DMD: variants seen among roughly 807,000 people sequenced by gnomAD.
DMD encodes mutant dystrophin.
Under a neutral mutation model 330.1 loss-of-function variants are expected in DMD, and 63 were observed. The ratio of observed to expected loss-of-function variants is 0.19; its 90% CI spans 0.16 to 0.24. The LOEUF is 0.24. Among genes scored for constraint, DMD ranks in the 10% least tolerant of loss-of-function variants. DMD has a pLI of 1.00. For synonymous variants in DMD, 1,223 were observed against 959.8 expected, an observed-to-expected ratio of 1.27 and a Z score of -5.07; for missense variants, 3,344 against 2,684.1, an observed-to-expected ratio of 1.25 and a Z score of -5.43.
chrX:32,692,651 C>A (rs2063361987), intron 9 of DMD, among the ~76,000 whole-genome samples: 1 of 111,821 alleles, frequency 8.9e-6, no homozygotes, highest in Admixed American at 9.5e-5. Context: ...TCCTCAGCAA[C>A]CTCAGAACAA....
At chrX:32,718,619 G>A (rs2065957725) in intron 7 of DMD, among the ~76,000 whole-genome samples, 1 of 112,260 alleles carries the variant, frequency 8.9e-6, no homozygotes, top group African/African-American at 3.2e-5. Flanking sequence ...TTAAGCAAAT[G>A]TCATTGGATA....
chrX:33,050,744 A>G (rs2094446665), intron 1 of DMD, among the ~76,000 whole-genome samples: 1 of 112,116 alleles, frequency 8.9e-6, no homozygotes, highest in African/African-American at 3.2e-5. Context: ...CAAAAACAAG[A>G]CACAGCTATA....
At chrX:31,132,263 G>A (rs1408733263) in intron 77 of DMD, among the ~76,000 whole-genome samples, 1 of 112,422 alleles carries the variant, frequency 8.9e-6, no homozygotes. Context: ...TACCATATCA[G>A]AGGAGGTATA....
intron 1 of DMD, among the ~76,000 whole-genome samples, chrX:33,033,554 C>CAAAAAAAAAAAAATACAAAAAAAA (rs1557223465): frequency 7.1e-4 from 53 of 74,517 alleles, no homozygotes; most frequent in African/African-American, 2.9e-3. Context: ...ACTAAAAATA[C>CAAAAAAAAAAAAATACAAAAAAAA]AAAAAAAAAA....
intron 2 of DMD, among the ~76,000 whole-genome samples, chrX:32,871,159 T>C (rs1006644340): frequency 9.2e-6 from 1 of 108,902 alleles, no homozygotes; most frequent in Non-Finnish European, 1.9e-5. Context: ...TTTCTCTTAA[T>C]CTTGGTCTAT....
intron 44 of DMD, among the ~76,000 whole-genome samples, chrX:32,179,573 A>G (rs754808540): frequency 8.9e-6 from 1 of 112,375 alleles, no homozygotes; most frequent in East Asian, 2.8e-4. Context: ...TCCTGGAGTT[A>G]AATGGTAAAA....
intron 41 of DMD, among the ~76,000 whole-genome samples, chrX:32,329,812 T>C (rs1049652535): frequency 1.8e-5 from 2 of 112,666 alleles, no homozygotes; most frequent in African/African-American, 3.2e-5. Context: ...AGTTAATTTA[T>C]TCTGGCGAGA....
chrX:32,258,994 G>A (rs754479153), intron 43 of DMD, among the ~76,000 whole-genome samples: 2 of 110,859 alleles, frequency 1.8e-5, no homozygotes, highest in East Asian at 5.7e-4. Context: ...GGACTCACAT[G>A]GCATCATATC....
intron 2 of DMD, among the ~76,000 whole-genome samples, chrX:32,920,428 A>T (rs2088278962): frequency 9.0e-6 from 1 of 111,708 alleles, no homozygotes. Context: ...TTGTGAATAA[A>T]TAAATGCAGT....
intron 7 of DMD, among the ~76,000 whole-genome samples, chrX:32,710,802 C>T (rs1300597982): frequency 9.0e-6 from 1 of 110,788 alleles, no homozygotes; most frequent in Non-Finnish European, 1.9e-5. Context: ...TTGAAAGATT[C>T]AAGTGTGTGA....
chrX:33,172,130 G>A (rs888069855), intron 1 of DMD, among the ~76,000 whole-genome samples: 2 of 111,245 alleles, frequency 1.8e-5, no homozygotes, highest in Non-Finnish European at 1.9e-5. Flanking sequence ...TTTATTGAGT[G>A]TCTATTATAT....
chrX:32,337,530 G>T (rs1427506598), intron 41 of DMD, among the ~76,000 whole-genome samples: 1 of 109,291 alleles, frequency 9.1e-6, no homozygotes, highest in Non-Finnish European at 1.9e-5. Flanking sequence ...TTTTTTTGCT[G>T]CTGTTCTTGG....
intron 1 of DMD, among the ~76,000 whole-genome samples, chrX:33,285,889 T>C (rs2053424932): frequency 8.9e-6 from 1 of 112,216 alleles, no homozygotes; most frequent in East Asian, 2.8e-4. Context: ...ATCCAGAGTA[T>C]GCACAAATAC....
At chrX:31,959,479 T>G (rs1434061970) in intron 45 of DMD, among the ~76,000 whole-genome samples, 1 of 111,984 alleles carries the variant, frequency 8.9e-6, no homozygotes, top group Non-Finnish European at 1.9e-5. Context: ...AACATTTTAT[T>G]TTTCTTAGAA....
intron 67 of DMD, among the ~76,000 whole-genome samples, chrX:31,193,567 T>A (rs1161719250): frequency 8.9e-6 from 1 of 111,865 alleles, no homozygotes; most frequent in Non-Finnish European, 1.9e-5. Flanking sequence ...CATCCATAAA[T>A]GCTAAAACCA....
rs182056935 is a variant in DMD at position 32,298,827 on chromosome X, G to A, written c.6118-11126C>T. On this transcript the variant is annotated intron_variant, in intron 42 of 78. Coordinates refer to ENST00000357033, the MANE Select transcript of DMD (RefSeq NM_004006.3). ...CAACAGAGAAGGCACCCAGCAGGAG[G>A]AGGGAGTTAGCCCTTTGATGGTTGA... 2.8e-3 allele frequency among the ~76,000 whole-genome samples: 290 copies of A among 104,624 alleles called. 1 individual carries two copies. Among genetic ancestry groups the A allele is most frequent in the African/African-American group, 8.1e-3 (229 of 28,354 alleles). 90.9% of individuals were successfully genotyped at this position (104,624 alleles called of 115,157 possible).
At chrX:31,179,568 C>T (rs1189055376) in intron 69 of DMD, among the ~76,000 whole-genome samples, 2 of 111,847 alleles carry the variant, frequency 1.8e-5, no homozygotes, top group African/African-American at 3.2e-5. Flanking sequence ...AAGAGAAACA[C>T]GAAGGGTGGC....
intron 44 of DMD, among the ~76,000 whole-genome samples, chrX:32,214,394 G>A (rs1484627159): frequency 9.0e-6 from 1 of 111,570 alleles, no homozygotes; most frequent in Non-Finnish European, 1.9e-5. Flanking sequence ...CAAAATACCA[G>A]AGAGGTGATA....
At chrX:32,574,119 G>A (rs962744907) in intron 13 of DMD, among the ~76,000 whole-genome samples, 5 of 111,664 alleles carry the variant, frequency 4.5e-5, no homozygotes, top group African/African-American at 6.5e-5. Flanking sequence ...CATAGCAAAT[G>A]TAAGATAACA....
Sources: allele counts gnomAD v4.1 joint callset (sites outside exome capture counted in the v4.1 genomes callset), GRCh38; gene constraint gnomAD v4.1.1; transcripts MANE v1.5; gene names NCBI Gene and HGNC (gene_info 2026-07-23, HGNC 2026-07-21).